The following PHKG1 variants were observed in gnomAD, a reference collection of about 807,000 sequenced individuals.
PHKG1 encodes phosphorylase b kinase gamma catalytic chain, skeletal muscle/heart isoform.
In PHKG1, 48 loss-of-function variants were observed where a neutral mutation model predicts 50.5. The ratio of observed to expected loss-of-function variants is 0.95; its 90% CI spans 0.75 to 1.21. The LOEUF (loss-of-function observed/expected upper bound fraction) is 1.21. Ranked by LOEUF, PHKG1 falls within the 50% of genes most tolerant of loss-of-function variation. The probability of loss-of-function intolerance (pLI) is 0.00; values close to 1 mark genes in which losing one functional copy is unlikely to be tolerated. For missense variants in PHKG1, 487 were observed against 519.5 expected (o/e 0.94, Z 0.61); for synonymous variants, 204 against 212.8 (o/e 0.96, Z 0.36).
intron 4 of PHKG1, among the ~76,000 whole-genome samples, chr7:56,085,754 C>T (rs997535876): frequency 3.3e-5 from 5 of 152,006 alleles, no homozygotes; most frequent in African/African-American, 1.2e-4. Flanking sequence ...CACTTGAGGT[C>T]AGGAGTTCGA....
chr7:56,081,026 C>G lies in PHKG1; in HGVS notation c.*28G>C. On this transcript the variant is annotated 3_prime_UTR_variant, in exon 10 of 10. Coordinates refer to ENST00000297373, the MANE Select transcript of PHKG1 (RefSeq NM_006213.5). The surrounding 1 kb of genome is among the most constrained non-coding windows in gnomAD (Gnocchi z 4.6). ...CCATGGCTTCCCCTCCCCACCTGCC[C>G]CCTAGCCCTCCCTGACTGGCCAGCC... 6.2e-7 allele frequency: 1 copy of G among 1,610,134 alleles called. No individual in the cohort carries two copies. The highest frequency in any genetic ancestry group is 8.5e-7 in the Non-Finnish European group (1 of 1,179,164).
intron 1 of PHKG1, among the ~76,000 whole-genome samples, chr7:56,089,240 CTA>C (rs1373033330): frequency 6.6e-6 from 1 of 151,928 alleles, no homozygotes. Context: ...CTCATCTCTA[CTA>C]TACAAAAATT....
intron 4 of PHKG1, among the ~76,000 whole-genome samples, chr7:56,085,954 A>C (rs538249181): frequency 1.3e-5 from 2 of 148,406 alleles, no homozygotes; most frequent in East Asian, 4.1e-4. Flanking sequence ...AGCCTGGGCG[A>C]CAATAGCAAA....
Position 56,091,847 on chromosome 7 carries a change from C to T in PHKG1, c.-35+989G>A, listed in dbSNP as rs115503410. Among the ~76,000 whole-genome samples, 299 of 152,374 alleles carry T rather than the reference C, an allele frequency of 2.0e-3. 1 individual carries two copies. The highest frequency in any genetic ancestry group is 6.2e-3 in the African/African-American group (259 of 41,598). ...CCTCTGCTGGTGCCAGGCCCCTGGG[C>T]TGCTCACACACAGGCCTTCTCTGCC... On this transcript the variant is annotated intron_variant, in intron 1 of 9. Coordinates refer to ENST00000297373, the MANE Select transcript of PHKG1 (RefSeq NM_006213.5).
rs747445152 is a variant in PHKG1, at chr7:56,081,711, C to T, written c.837G>A (p.Ala279=). The T allele has an allele frequency of 6.2e-6, 10 of 1,613,838 alleles. No homozygotes were observed. The highest frequency in any genetic ancestry group is 2.2e-5 in the East Asian group (1 of 44,872). ...AGAAGGGGTGTGCCAAGGCCTCTTC[C>T]GCTGTGTAGCGGTTCTGGGGTTGCA... ...LVVQPQNRYT[A]EEALAHPFFQ... Residue 279 remains alanine, a synonymous_variant, in exon 9 of 10, where the codon GCG becomes GCA. Transcript: ENST00000297373. The surrounding 1 kb of genome is among the most constrained non-coding windows in gnomAD (Gnocchi z 4.6).
chr7:56,081,269 G>A lies in PHKG1; in HGVS notation c.949C>T (p.Arg317Trp), dbSNP rs751540733. The change falls in exon 10 of 10, where the codon CGG becomes TGG. Residue 317 changes from arginine to tryptophan, a missense_variant. Arg to Trp is a moderately radical substitution (Grantham distance 101). Transcript: ENST00000297373. The surrounding 1 kb of genome is among the most constrained non-coding windows in gnomAD (Gnocchi z 4.6). The part of the protein sequence containing the change: ...VIALTVLASV[R>W]IYYQYRRVKP... ...ACCCGGCGGTACTGGTAGTAGATCC[G>A]CACTGAAGCCAGCACGGTCAGAGCG... The A allele has an allele frequency of 4.9e-5, 79 of 1,611,928 alleles. No homozygotes were observed. The highest frequency in any genetic ancestry group is 4.5e-4 in the South Asian group (41 of 91,064).
intron 1 of PHKG1, 48 bp from the exon 2 acceptor site, chr7:56,089,023 TG>T (rs1796387989): frequency 1.1e-6 from 1 of 874,536 alleles, no homozygotes; most frequent in Non-Finnish European, 1.9e-6. Context: ...ACCCAGGGGC[TG>T]TTCTCCTTGG....
intron 6 of PHKG1, among the ~76,000 whole-genome samples, chr7:56,082,527 A>G (rs1796056613): frequency 6.6e-6 from 1 of 151,860 alleles, no homozygotes; most frequent in African/African-American, 2.4e-5. Flanking sequence ...TGGGAGGTGG[A>G]GTTTGCAGTG....
chr7:56,089,097 G>A (rs1430560227), intron 1 of PHKG1, 122 bp from the exon 2 acceptor site: 1 of 571,284 alleles, frequency 1.8e-6, no homozygotes, highest in Non-Finnish European at 3.1e-6. Context: ...TATAGTGAAT[G>A]TTCCAAATAA....
chr7:56,081,682 T>C lies in PHKG1; in HGVS notation c.866A>G (p.Gln289Arg). 1 of 1,613,932 alleles carries C rather than the reference T, an allele frequency of 6.2e-7. No individual in the cohort carries two copies. Among genetic ancestry groups the C allele is most frequent in the Non-Finnish European group, 8.5e-7 (1 of 1,179,956 alleles). The change falls in exon 9 of 10, where the codon CAG (glutamine) becomes CGG (arginine). Residue 289 changes from glutamine to arginine, a missense_variant. Transcript: ENST00000297373. This position sits in a 1 kb window ranked among gnomAD's most constrained non-coding sequence, Gnocchi z 4.6. Reference protein sequence around the residue: ...AEEALAHPFFQQYLVEEVRHF... With the variant: ...AEEALAHPFFRQYLVEEVRHF... ...CCGCACTTCCTCCACCAAGTACTGC[T>C]GGAAGAAGGGGTGTGCCAAGGCCTC...
At position 56,091,723 on chromosome 7, in the gene PHKG1, C is replaced by T. The variant is rs377749468; in HGVS notation, c.-35+1113G>A. Among the ~76,000 whole-genome samples, 3 of 152,206 alleles carry T rather than the reference C, an allele frequency of 2.0e-5. No homozygotes were observed. The South Asian group carries it at 6.2e-4, about 31-fold the overall frequency. On this transcript the variant is annotated intron_variant, in intron 1 of 9. Coordinates refer to ENST00000297373, the MANE Select transcript of PHKG1 (RefSeq NM_006213.5). ...CAATTTGCTGACCAGCCAACAGCAG[C>T]TCTGGCTGCCTCCGGGATTGGGCAG... is the stretch of plus-strand genomic sequence containing the variant.
intron 2 of PHKG1, among the ~76,000 whole-genome samples, chr7:56,088,301 T>G (rs560157413): frequency 2.6e-4 from 40 of 151,854 alleles, no homozygotes; most frequent in Middle Eastern, 3.4e-3. Context: ...TCCCTGGTAT[T>G]GCAGGAAGTG....
intron 6 of PHKG1, among the ~76,000 whole-genome samples, chr7:56,082,922 A>G (rs1422958490): frequency 6.6e-6 from 1 of 152,112 alleles, no homozygotes; most frequent in Non-Finnish European, 1.5e-5. Context: ...CCTGACCAAC[A>G]TGGTGAAACC....
chr7:56,083,241 C>T lies in PHKG1; in HGVS notation c.547+37G>A, dbSNP rs372066351. 1.4e-4 allele frequency: 220 copies of T among 1,605,538 alleles called. 4 individuals carry two copies. The highest frequency in any genetic ancestry group is 8.4e-4 in the African/African-American group (63 of 74,864). On this transcript the variant is annotated intron_variant, in intron 6 of 9. Transcript: ENST00000297373. ...TTCTGCAGATGGTTGATTGAGCACC[C>T]GAGGCCTGGACGTGGGCCAAGGCCA... is the stretch of plus-strand genomic sequence containing the variant.
At chr7:56,088,388 G>A (rs1268405091) in intron 2 of PHKG1, among the ~76,000 whole-genome samples, 1 of 151,876 alleles carries the variant, frequency 6.6e-6, no homozygotes, top group Admixed American at 6.6e-5. Flanking sequence ...AGCCAGACCT[G>A]GTGGCACATA....
chr7:56,083,087 C>G, intron 6 of PHKG1, 191 bp downstream of exon 6: 1 of 523,232 alleles, frequency 1.9e-6, no homozygotes. Flanking sequence ...GCCTGGGCGA[C>G]AGAGTGAGAC....
intron 2 of PHKG1, 115 bp from the exon 3 acceptor site, chr7:56,087,891 A>C: frequency 1.3e-6 from 1 of 778,730 alleles, no homozygotes; most frequent in Non-Finnish European, 2.1e-6. Flanking sequence ...CTTTCCCCCA[A>C]CTTCCTCTGA....
rs947234022 is a variant in PHKG1, at chr7:56,085,676, G to T, written c.317+1294C>A. On this transcript the variant is annotated intron_variant, in intron 4 of 9. Coordinates refer to ENST00000297373, the MANE Select transcript of PHKG1 (RefSeq NM_006213.5). ...ATAGTCAGTGAGATCTTTTCAAAAG[G>T]AAGTCAGCCTGGGCGCAGTGGCTCA... Among the ~76,000 whole-genome samples the T allele has an allele frequency of 2.0e-4, 30 of 152,204 alleles. 1 individual carries two copies. Among genetic ancestry groups the T allele is most frequent in the African/African-American group, 6.7e-4 (28 of 41,550 alleles).
Position 56,081,412 on chromosome 7 carries a change from G to A in PHKG1, c.919-113C>T, listed in dbSNP as rs1320189228. 34 of 1,396,540 alleles carry A rather than the reference G, an allele frequency of 2.4e-5. No individual in the cohort carries two copies. Among genetic ancestry groups the A allele is most frequent in the African/African-American group, 2.9e-5 (2 of 69,846 alleles). The allele number at this position is 1,396,540 out of a possible 1,614,324, so 86.5% of individuals were successfully genotyped here. A position where few individuals can be genotyped will look rare whatever the true frequency, so the allele number is the denominator to read the frequency against. On this transcript the variant is annotated intron_variant, in intron 9 of 9. Coordinates refer to ENST00000297373, the MANE Select transcript of PHKG1 (RefSeq NM_006213.5). This position sits in a 1 kb window ranked among gnomAD's most constrained non-coding sequence, Gnocchi z 4.6. ...CCACGAAGCCTTGGGTGGCTTCTGCGGGGCCTTCCTAGTGTCCCCCACTTC... is the reference window on the plus strand; with the variant it reads ...CCACGAAGCCTTGGGTGGCTTCTGCAGGGCCTTCCTAGTGTCCCCCACTTC...
Sources: allele counts gnomAD v4.1 joint callset (sites outside exome capture counted in the v4.1 genomes callset), GRCh38; gene constraint gnomAD v4.1.1; non-coding constraint Gnocchi (gnomAD v3.1); transcripts MANE v1.5; gene names NCBI Gene and HGNC (gene_info 2026-07-23, HGNC 2026-07-21).